RPTOR: variants seen among roughly 807,000 people sequenced by gnomAD.
RPTOR encodes the protein regulatory associated protein of MTOR complex 1.
Under a neutral mutation model 169.9 loss-of-function variants are expected in RPTOR, and 21 were observed. That is an observed-to-expected ratio of 0.12 (90% CI 0.09 to 0.18). The LOEUF (loss-of-function observed/expected upper bound fraction) is 0.18, where lower values mean the gene tolerates loss of function less well. Among genes scored for constraint, RPTOR ranks in the 10% least tolerant of loss-of-function variants. The probability of loss-of-function intolerance (pLI) is 1.00; values close to 1 mark genes in which losing one functional copy is unlikely to be tolerated. For missense variants in RPTOR, 1,133 were observed against 1,855.9 expected (o/e 0.61, Z 7.16); for synonymous variants, 732 against 753.2 (o/e 0.97, Z 0.46).
At position 80,965,489 on chromosome 17, in the gene RPTOR, T is replaced by G. The variant is rs2069415458; in HGVS notation, c.*1159T>G. The stretch of plus-strand genomic sequence containing the variant: ...GGGGCCGCAGGGCGTGTATGAGCAG[T>G]TTTGCAAACAGAACACAACCACAAT... On this transcript the variant is annotated 3_prime_UTR_variant, in exon 34 of 34. Transcript: ENST00000306801. 8.6e-6 allele frequency: 2 copies of G among 233,266 alleles called. No homozygotes were observed. The highest frequency in any genetic ancestry group is 8.5e-6 in the Non-Finnish European group (1 of 118,048). The allele number at this position is 233,266 out of a possible 1,614,324, so 14.4% of individuals were successfully genotyped here. A position where few individuals can be genotyped will look rare whatever the true frequency, so the allele number is the denominator to read the frequency against.
At position 80,820,821 on chromosome 17, in the gene RPTOR, C is replaced by T. The variant is rs951676545; in HGVS notation, c.891-1380C>T. ...GGAATCCTTCATGATGCCTGCCCTC[C>T]ACCACCCACACAGCTAATGAAAGGG... On this transcript the variant is annotated intron_variant, in intron 7 of 33. Transcript: ENST00000306801. This position sits in a 1 kb window ranked among gnomAD's most constrained non-coding sequence, Gnocchi z 4.1. Among the ~76,000 whole-genome samples the T allele has an allele frequency of 3.3e-5, 5 of 152,194 alleles. No individual in the cohort carries two copies. The highest frequency in any genetic ancestry group is 5.9e-5 in the Non-Finnish European group (4 of 68,024).
At chr17:80,581,553 A>G (rs1171329205) in intron 1 of RPTOR, among the ~76,000 whole-genome samples, 1 of 141,324 alleles carries the variant, frequency 7.1e-6, no homozygotes, top group Admixed American at 7.1e-5. Context: ...GGGCCAGTGC[A>G]TGCCTGCTAT....
Position 80,831,759 on chromosome 17 carries a change from ATGTATCCCTGTGTGTCACTG to A in RPTOR, c.1137-6144_1137-6125del, listed in dbSNP as rs1157621196. On this transcript the variant is annotated intron_variant, in intron 9 of 33. Transcript: ENST00000306801. ...TCACTGTGTATCCCTGTGTATCACT[ATGTATCCCTGTGTGTCACTG>A]TGTATCCCTGTGTGTCACCGTGTAT... is the stretch of plus-strand genomic sequence containing the variant. Among the ~76,000 whole-genome samples the A allele has an allele frequency of 3.4e-5, 5 of 147,716 alleles. No individual in the cohort carries two copies. The South Asian group carries it at 8.8e-4, about 26-fold the overall frequency.
chr17:80,725,790 G>A (rs1335521906), intron 4 of RPTOR, among the ~76,000 whole-genome samples: 2 of 152,204 alleles, frequency 1.3e-5, no homozygotes, highest in East Asian at 3.8e-4. Flanking sequence ...CCACACTGTG[G>A]CTTAATAGAG....
chr17:80,964,207 C>T, intron 33 of RPTOR, 55 bp from the exon 34 acceptor site: 1 of 1,285,224 alleles, frequency 7.8e-7, no homozygotes, highest in Non-Finnish European at 1.1e-6. Context: ...CCCCCCGCCC[C>T]CCGCAGTGTC....
intron 3 of RPTOR, among the ~76,000 whole-genome samples, chr17:80,650,231 G>A (rs1366179223): frequency 2.0e-5 from 3 of 152,206 alleles, no homozygotes; most frequent in Admixed American, 6.5e-5. Flanking sequence ...CCCTGTGTTG[G>A]ACTCTTGCTC....
intron 3 of RPTOR, among the ~76,000 whole-genome samples, chr17:80,656,951 G>C (rs1050474976): frequency 6.6e-5 from 10 of 152,176 alleles, no homozygotes; most frequent in Admixed American, 5.2e-4. Flanking sequence ...GCCCAGGGCT[G>C]TTTCCTTTGC....
intron 3 of RPTOR, among the ~76,000 whole-genome samples, chr17:80,706,340 T>A (rs2066141833): frequency 6.6e-6 from 1 of 152,158 alleles, no homozygotes; most frequent in South Asian, 2.1e-4. Flanking sequence ...AAAAGTACTT[T>A]GCAGGAAAAG....
intron 7 of RPTOR, among the ~76,000 whole-genome samples, chr17:80,792,451 C>T (rs1049017781): frequency 3.3e-5 from 5 of 152,172 alleles, no homozygotes; most frequent in Admixed American, 2.6e-4. Flanking sequence ...CGTCGTGGTT[C>T]ACTCCCACCG....
At chr17:80,953,660 A>T (rs1003263180) in intron 28 of RPTOR, among the ~76,000 whole-genome samples, 1 of 152,222 alleles carries the variant, frequency 6.6e-6, no homozygotes, top group Non-Finnish European at 1.5e-5. Context: ...GCCACTTCCC[A>T]AGAGCATGTC....
At chr17:80,894,008 C>T (rs1418760947) in intron 20 of RPTOR, 143 bp downstream of exon 20, 6 of 858,152 alleles carry the variant, frequency 7.0e-6, no homozygotes, top group Admixed American at 3.1e-5. Flanking sequence ...AACAGGACTG[C>T]GAGGCAGGGA....
intron 20 of RPTOR, among the ~76,000 whole-genome samples, chr17:80,901,869 G>A (rs2280146): frequency 0.75 from 114,405 of 151,546 alleles, 43,324 homozygotes; most frequent in Admixed American, 0.8. Context: ...TACACCCTCA[G>A]TCACGTGTTT....
rs755045262 is a variant in RPTOR, at chr17:80,964,290, A to C, written c.3968A>C (p.Tyr1323Ser). 5.6e-6 allele frequency: 9 copies of C among 1,607,774 alleles called. No homozygotes were observed. The Admixed American group carries it at 1.5e-4, about 27-fold the overall frequency. Residue 1323 changes from tyrosine (Y) to serine (S), a missense_variant, in exon 34 of 34, where the codon TAC (tyrosine) becomes TCC (serine). Coordinates refer to ENST00000306801, the MANE Select transcript of RPTOR (RefSeq NM_020761.3). ...CACCTGGCCGTGGGAAGCAACGACT[A>C]CTACATCTCCGTGTACTCGGTGGAG... Reference protein sequence around the residue: ...WPHLAVGSNDYYISVYSVEKR... With the variant: ...WPHLAVGSNDSYISVYSVEKR...
intron 17 of RPTOR, among the ~76,000 whole-genome samples, chr17:80,886,940 A>G (rs2068254515): frequency 6.6e-6 from 1 of 152,142 alleles, no homozygotes. Context: ...GTGGAGAAAT[A>G]CTGCCTGGAG....
intron 20 of RPTOR, 67 bp from the exon 21 acceptor site, chr17:80,908,744 G>A: frequency 8.7e-7 from 1 of 1,149,148 alleles, no homozygotes; most frequent in Non-Finnish European, 1.3e-6. Context: ...TTCAGAAAAT[G>A]CAGCCGCCTT....
At chr17:80,679,078 T>A (rs2065879833) in intron 3 of RPTOR, among the ~76,000 whole-genome samples, 1 of 152,260 alleles carries the variant, frequency 6.6e-6, no homozygotes, top group Non-Finnish European at 1.5e-5. Context: ...CTTTCTTTCC[T>A]CTGCATGAAA....
At position 80,959,313 on chromosome 17, in the gene RPTOR, G is replaced by C. The variant is rs1356329948; in HGVS notation, c.3478-765G>C. On this transcript the variant is annotated intron_variant, in intron 29 of 33. Coordinates refer to ENST00000306801, the MANE Select transcript of RPTOR (RefSeq NM_020761.3). This position sits in a 1 kb window ranked among gnomAD's most constrained non-coding sequence, Gnocchi z 6.7. ...TGGACACCCTGATCCTCAGGGTCTG[G>C]TCACCAGTGGGGGCTTAGAGGCCCA... is the stretch of plus-strand genomic sequence containing the variant. Among the ~76,000 whole-genome samples the C allele has an allele frequency of 6.6e-6, 1 of 152,176 alleles. No homozygotes were observed. The highest frequency in any genetic ancestry group is 1.5e-5 in the Non-Finnish European group (1 of 68,014).
intron 13 of RPTOR, among the ~76,000 whole-genome samples, chr17:80,864,815 A>G (rs1045919836): frequency 6.6e-6 from 1 of 152,182 alleles, no homozygotes; most frequent in Non-Finnish European, 1.5e-5. Context: ...TGTACTATGA[A>G]TTTTTTTCAA....
chr17:80,951,693 G>A (rs1429098525), intron 28 of RPTOR, among the ~76,000 whole-genome samples: 2 of 152,192 alleles, frequency 1.3e-5, no homozygotes, highest in Non-Finnish European at 2.9e-5. Flanking sequence ...AATCTGAACT[G>A]AAAAAGGACT....
Sources: allele counts gnomAD v4.1 joint callset (sites outside exome capture counted in the v4.1 genomes callset), GRCh38; gene constraint gnomAD v4.1.1; non-coding constraint Gnocchi (gnomAD v3.1); transcripts MANE v1.5; gene names NCBI Gene and HGNC (gene_info 2026-07-23, HGNC 2026-07-21).